The following ATP9A variants were observed in gnomAD, a reference collection of about 807,000 sequenced individuals.
ATP9A encodes probable phospholipid-transporting ATPase IIA.
In ATP9A, 52 loss-of-function variants were observed where a neutral mutation model predicts 144.1. The ratio of observed to expected loss-of-function variants is 0.36; its 90% CI spans 0.29 to 0.45. The LOEUF is 0.45. Among genes scored for constraint, ATP9A ranks in the 20% least tolerant of loss-of-function variants. The pLI is 1.00. For synonymous variants in ATP9A, 582 were observed against 557.4 expected (o/e 1.04, Z -0.62); for missense variants, 947 against 1,392.7 (o/e 0.68, Z 5.09).
chr20:51,741,819 T>G (rs1289835164), intron 1 of ATP9A, among the ~76,000 whole-genome samples: 2 of 152,160 alleles, frequency 1.3e-5, no homozygotes, highest in Non-Finnish European at 2.9e-5. Context: ...GAAACACTGT[T>G]GTCTGTCACA....
chr20:51,697,630 T>C (rs1601111708), intron 4 of ATP9A, 148 bp from the exon 5 acceptor site: 2 of 644,364 alleles, frequency 3.1e-6, no homozygotes, highest in Non-Finnish European at 2.6e-6. Context: ...CACCATTATT[T>C]CCTGCCTCTC....
At chr20:51,756,234 T>C (rs1047800065) in intron 1 of ATP9A, among the ~76,000 whole-genome samples, 2 of 151,732 alleles carry the variant, frequency 1.3e-5, no homozygotes, top group Non-Finnish European at 1.5e-5. Flanking sequence ...GACAGCCACC[T>C]TCCCCCTGTG....
chr20:51,700,065 T>C (rs1161511269), intron 4 of ATP9A, among the ~76,000 whole-genome samples: 2 of 152,148 alleles, frequency 1.3e-5, no homozygotes, highest in Non-Finnish European at 2.9e-5. Context: ...GCATCTAGCA[T>C]CTAATGGCAC....
intron 13 of ATP9A, among the ~76,000 whole-genome samples, chr20:51,666,679 T>TA (rs11308492): frequency 1.8e-4 from 25 of 135,320 alleles, no homozygotes; most frequent in East Asian, 5.0e-4. Flanking sequence ...GACTGTGTCT[T>TA]AAAAAAAAAA....
At chr20:51,609,361 G>T (rs1324255988) in intron 24 of ATP9A, among the ~76,000 whole-genome samples, 1 of 152,146 alleles carries the variant, frequency 6.6e-6, no homozygotes, top group Non-Finnish European at 1.5e-5. Context: ...AACACAGTAG[G>T]ATGGAAAGCG....
chr20:51,674,180 A>G lies in ATP9A; in HGVS notation c.1010T>C (p.Leu337Pro). ...RWYLQIIRFLLLFSNIIPISL... is the reference protein window; with the variant it reads ...RWYLQIIRFLPLFSNIIPISL... Reference sequence around the variant, plus strand: ...AATGGGGATGATGTTGGAAAACAAGAGGAGGAAGCGGATGATCTGCAGGTA... The same window carrying G: ...AATGGGGATGATGTTGGAAAACAAGGGGAGGAAGCGGATGATCTGCAGGTA... The change falls in exon 11 of 28, where the codon CTC becomes CCC. Residue 337 changes from leucine (L) to proline (P), a missense_variant. By Grantham distance (98) the Leu-to-Pro change is moderately conservative. Transcript: ENST00000338821. 1.9e-6 allele frequency: 3 copies of G among 1,613,952 alleles called. No homozygotes were observed. The South Asian group carries it at 3.3e-5, about 18-fold the overall frequency.
At chr20:51,616,736 AAGAC>A (rs1414706862) in intron 22 of ATP9A, among the ~76,000 whole-genome samples, 2 of 152,180 alleles carry the variant, frequency 1.3e-5, no homozygotes, top group Non-Finnish European at 2.9e-5. Context: ...CAAGGAGAAA[AAGAC>A]AGAAAAAATA....
Position 51,600,922 on chromosome 20 carries a change from C to T in ATP9A, c.*289G>A. On this transcript the variant is annotated 3_prime_UTR_variant, in exon 28 of 28. Transcript: ENST00000338821. ...AATTCAAGTCATAAGGAAGCTCGCA[C>T]AGTGACCCATATAAATCTCCCAGCT... 1 of 278,358 alleles carries T rather than the reference C, an allele frequency of 3.6e-6. No homozygotes were observed. 17.2% of individuals were successfully genotyped at this position (278,358 alleles called of 1,614,324 possible).
At chr20:51,659,117 G>A (rs998666917) in intron 13 of ATP9A, among the ~76,000 whole-genome samples, 1 of 152,138 alleles carries the variant, frequency 6.6e-6, no homozygotes, top group African/African-American at 2.4e-5. Flanking sequence ...GCTCACTGCA[G>A]GGCTGGCTTG....
At chr20:51,628,864 G>A in intron 16 of ATP9A, 116 bp downstream of exon 16, 2 of 784,782 alleles carry the variant, frequency 2.5e-6, no homozygotes, top group South Asian at 1.8e-5. Context: ...TGCATTTCAG[G>A]GTGGTTTGTT....
At chr20:51,725,374 G>A (rs1434829657) in intron 3 of ATP9A, among the ~76,000 whole-genome samples, 3 of 152,008 alleles carry the variant, frequency 2.0e-5, no homozygotes, top group Non-Finnish European at 4.4e-5. Context: ...CTCCCACCTC[G>A]GCCTCCCAAA....
chr20:51,666,348 C>T (rs1213956436), intron 13 of ATP9A, among the ~76,000 whole-genome samples: 1 of 152,092 alleles, frequency 6.6e-6, no homozygotes, highest in African/African-American at 2.4e-5. Flanking sequence ...CTGACTCTGG[C>T]CCAAGTGATC....
At position 51,676,325 on chromosome 20, in the gene ATP9A, CAG is replaced by C. The variant is rs371282721; in HGVS notation, c.800-119_800-118del. On this transcript the variant is annotated intron_variant, in intron 9 of 27. Coordinates refer to ENST00000338821, the MANE Select transcript of ATP9A (RefSeq NM_006045.3). ...ACTGGGTTCTTTTTTTTTTTTGAGACAGAGTCTTGCTCTGTTGCTCATGCTGG... is the reference window on the plus strand; with the variant it reads ...ACTGGGTTCTTTTTTTTTTTTGAGACAGTCTTGCTCTGTTGCTCATGCTGG... The C allele has an allele frequency of 7.6e-4, 563 of 741,750 alleles. 1 individual carries two copies. The East Asian group carries it at 0.014, about 18-fold the overall frequency. 45.9% of individuals were successfully genotyped at this position (741,750 alleles called of 1,614,324 possible). A position where few individuals can be genotyped will look rare whatever the true frequency, so the allele number is the denominator to read the frequency against.
intron 14 of ATP9A, among the ~76,000 whole-genome samples, chr20:51,642,396 C>A (rs2077323281): frequency 6.6e-6 from 1 of 152,080 alleles, no homozygotes; most frequent in African/African-American, 2.4e-5. Context: ...CTCAAGTGAT[C>A]CACCTGCTTC....
intron 15 of ATP9A, among the ~76,000 whole-genome samples, chr20:51,634,022 G>A (rs1035860724): frequency 1.3e-5 from 2 of 152,044 alleles, no homozygotes; most frequent in Non-Finnish European, 1.5e-5. Context: ...CTGGGAAGGG[G>A]GGCATGCCAG....
At chr20:51,653,177 T>C (rs940965073) in intron 14 of ATP9A, among the ~76,000 whole-genome samples, 1 of 120,596 alleles carries the variant, frequency 8.3e-6, no homozygotes, top group Non-Finnish European at 1.9e-5. Flanking sequence ...CAAAGGAAAG[T>C]AGTTCTTTTT....
intron 11 of ATP9A, among the ~76,000 whole-genome samples, chr20:51,671,803 A>T (rs1341262219): frequency 6.9e-6 from 1 of 144,976 alleles, no homozygotes; most frequent in Non-Finnish European, 1.5e-5. Context: ...GAATTTGACT[A>T]CTTTTTTTTT....
chr20:51,753,666 C>CTTTTTTTTTT (rs67673002), intron 1 of ATP9A, among the ~76,000 whole-genome samples: 1 of 137,252 alleles, frequency 7.3e-6, no homozygotes, highest in Non-Finnish European at 1.6e-5. Flanking sequence ...CTTTTTCTTT[C>CTTTTTTTTTT]TTTTTTTTTT....
chr20:51,728,437 G>A (rs1025675311), intron 2 of ATP9A, among the ~76,000 whole-genome samples: 19 of 152,014 alleles, frequency 1.2e-4, no homozygotes, highest in African/African-American at 4.1e-4. Flanking sequence ...GACCAGCCTG[G>A]CCAACATGGT....
Sources: allele counts gnomAD v4.1 joint callset (sites outside exome capture counted in the v4.1 genomes callset), GRCh38; gene constraint gnomAD v4.1.1; transcripts MANE v1.5; gene names NCBI Gene and HGNC (gene_info 2026-07-23, HGNC 2026-07-21).